Variants in ARHGEF3 observed in about 807,000 individuals in gnomAD.
The protein encoded by ARHGEF3 is Rho guanine nucleotide exchange factor 3.
A neutral mutation model predicts 63.2 loss-of-function variants in ARHGEF3; 28 were observed. The observed-to-expected ratio is 0.44, with a 90% CI of 0.33 to 0.61. ARHGEF3 has a LOEUF of 0.61. Ranked by LOEUF, ARHGEF3 falls within the 20% of genes least tolerant of loss-of-function variation. ARHGEF3 has a pLI of 0.03. For missense variants in ARHGEF3, 533 were observed against 659.3 expected (o/e 0.81, Z 2.10); for synonymous variants, 266 against 254.2 (o/e 1.05, Z -0.44).
chr3:56,980,184 G>A (rs1231428927), intron 2 of ARHGEF3, among the ~76,000 whole-genome samples: 1 of 152,230 alleles, frequency 6.6e-6, no homozygotes, highest in Non-Finnish European at 1.5e-5. Context: ...GCAGTAGCAA[G>A]AAGACTTGCT....
At chr3:57,071,521 G>A (rs1411062234) in intron 1 of ARHGEF3, among the ~76,000 whole-genome samples, 1 of 151,906 alleles carries the variant, frequency 6.6e-6, no homozygotes, top group African/African-American at 2.4e-5. Flanking sequence ...TCAGCTGGGT[G>A]TGATGATGCA....
chr3:56,790,715 T>C (rs2037036602), intron 1 of ARHGEF3, among the ~76,000 whole-genome samples: 1 of 152,198 alleles, frequency 6.6e-6, no homozygotes, highest in Non-Finnish European at 1.5e-5. Flanking sequence ...ACACTTGAAA[T>C]GGGAGCTTGC....
intron 2 of ARHGEF3, among the ~76,000 whole-genome samples, chr3:56,968,321 T>TA (rs1381454238): frequency 6.1e-4 from 31 of 51,224 alleles, no homozygotes; most frequent in Admixed American, 1.2e-3. Flanking sequence ...TAAAATATAT[T>TA]TTATATATAT....
At chr3:56,916,982 C>T (rs376467495) in intron 3 of ARHGEF3, among the ~76,000 whole-genome samples, 22 of 152,168 alleles carry the variant, frequency 1.4e-4, no homozygotes, top group African/African-American at 5.3e-4. Context: ...TGGAAACCTC[C>T]CTTTCAACTT....
chr3:57,066,335 C>A (rs1193599518), intron 1 of ARHGEF3, among the ~76,000 whole-genome samples: 1 of 151,834 alleles, frequency 6.6e-6, no homozygotes, highest in Non-Finnish European at 1.5e-5. Context: ...GATCTTGGCT[C>A]ACCGCAACCT....
intron 3 of ARHGEF3, among the ~76,000 whole-genome samples, chr3:56,903,175 G>A (rs898742823): frequency 2.6e-5 from 4 of 152,050 alleles, no homozygotes; most frequent in Non-Finnish European, 5.9e-5. Flanking sequence ...TATGCTCCAA[G>A]GTACAGAATG....
intron 2 of ARHGEF3, among the ~76,000 whole-genome samples, chr3:56,763,720 T>A (rs1438044390): frequency 6.6e-6 from 1 of 152,104 alleles, no homozygotes; most frequent in Non-Finnish European, 1.5e-5. Flanking sequence ...AAATTTTATT[T>A]ATTTTTAATT....
intron 2 of ARHGEF3, among the ~76,000 whole-genome samples, chr3:56,989,592 T>C (rs1444181093): frequency 6.6e-6 from 1 of 152,158 alleles, no homozygotes; most frequent in Non-Finnish European, 1.5e-5. Context: ...GATGGGTTGC[T>C]CTAGAATCAT....
At chr3:56,859,757 C>G (rs528050322) in intron 4 of ARHGEF3, among the ~76,000 whole-genome samples, 6 of 150,538 alleles carry the variant, frequency 4.0e-5, no homozygotes, top group Admixed American at 1.3e-4. Flanking sequence ...AGGCTGGTCT[C>G]GAACTCCTGA....
In ARHGEF3 at chr3:56,732,259, C is replaced by T; in HGVS notation, c.1207G>A (p.Ala403Thr). Reference protein sequence around the residue: ...EVRLGGSLRGAFSNNERIKNF... With the variant: ...EVRLGGSLRGTFSNNERIKNF... ...ATACTTCTCTCATTGTTGCTGAATG[C>T]CCCTCGCAGGGAGCCACCCAGCCTC... The change falls in exon 9 of 10, where the codon GCA becomes ACA. Residue 403 changes from alanine (A) to threonine (T), a missense_variant. Ala to Thr is a moderately conservative substitution (Grantham distance 58, BLOSUM62 0). Transcript: ENST00000296315. 6.2e-7 allele frequency: 1 copy of T among 1,614,118 alleles called. No homozygotes were observed.
chr3:57,041,965 C>G (rs1323715145), intron 1 of ARHGEF3, among the ~76,000 whole-genome samples: 1 of 152,188 alleles, frequency 6.6e-6, no homozygotes, highest in Non-Finnish European at 1.5e-5. Flanking sequence ...CCCCCGAGGG[C>G]TGATGTGGCC....
chr3:56,790,844 G>A lies in ARHGEF3; in HGVS notation c.96+10859C>T, dbSNP rs564853389. ...CTTGTTCCCTTTTTCTTTCTGTAGCGTCTTCCTCTAGGAAGACTCCACATT... is the reference window on the plus strand; with the variant it reads ...CTTGTTCCCTTTTTCTTTCTGTAGCATCTTCCTCTAGGAAGACTCCACATT... On this transcript the variant is annotated intron_variant, in intron 1 of 9. Coordinates refer to ENST00000296315, the MANE Select transcript of ARHGEF3 (RefSeq NM_019555.3). Among the ~76,000 whole-genome samples, 116 of 152,104 alleles carry A rather than the reference G, an allele frequency of 7.6e-4. 2 individuals carry two copies. The South Asian group carries it at 0.018, about 23-fold the overall frequency.
chr3:56,828,970 A>G (rs886380081), intron 4 of ARHGEF3, among the ~76,000 whole-genome samples: 1 of 152,172 alleles, frequency 6.6e-6, no homozygotes, highest in African/African-American at 2.4e-5. Context: ...TCTGTTGCTT[A>G]GGCTGGAGGG....
intron 2 of ARHGEF3, among the ~76,000 whole-genome samples, chr3:57,027,302 T>C (rs994585120): frequency 6.6e-6 from 1 of 152,180 alleles, no homozygotes; most frequent in Non-Finnish European, 1.5e-5. Flanking sequence ...CAGTTCCCCT[T>C]GTCACTGGCG....
rs115867930 is a variant in ARHGEF3 at position 56,779,142 on chromosome 3, C to T, written c.97-5326G>A. The stretch of plus-strand genomic sequence containing the variant: ...GCAGCTGGACATGCAGGGTCCTCCC[C>T]TGATAAACAGGGGAAACATTTGACT... On this transcript the variant is annotated intron_variant, in intron 1 of 9. Coordinates refer to ENST00000296315, the MANE Select transcript of ARHGEF3 (RefSeq NM_019555.3). Among the ~76,000 whole-genome samples the T allele has an allele frequency of 6.6e-3, 1,013 of 152,332 alleles. 14 individuals are homozygous for T. The highest frequency in any genetic ancestry group is 0.022 in the African/African-American group (935 of 41,574).
rs145429503 is a variant in ARHGEF3 at position 57,040,833 on chromosome 3, C to T, written c.-27-5657G>A. 9.9e-5 allele frequency among the ~76,000 whole-genome samples: 15 copies of T among 152,146 alleles called. No homozygotes were observed. In the South Asian group the frequency reaches 2.1e-3, roughly 21 times the overall value. On this transcript the variant is annotated intron_variant, in intron 1 of 12. Coordinates refer to the ARHGEF3 transcript ENST00000338458. ...TCAACACCCACACCACCCTGCCAACCGCTGCCCACCAGACTGACCTGGAAC... is the reference window on the plus strand; with the variant it reads ...TCAACACCCACACCACCCTGCCAACTGCTGCCCACCAGACTGACCTGGAAC...
intron 2 of ARHGEF3, among the ~76,000 whole-genome samples, chr3:56,967,563 A>G (rs796359670): frequency 1.1e-5 from 1 of 91,708 alleles, no homozygotes; most frequent in Non-Finnish European, 1.9e-5. Flanking sequence ...ATTATATAAT[A>G]TATAATATAT....
intron 2 of ARHGEF3, among the ~76,000 whole-genome samples, chr3:56,999,048 T>TTTG (rs3037589): frequency 3.3e-5 from 5 of 152,040 alleles, no homozygotes; most frequent in Non-Finnish European, 5.9e-5. Context: ...TCAAGAGGTT[T>TTTG]TTGTTGTTGT....
At chr3:56,910,484 T>C (rs2041826557) in intron 3 of ARHGEF3, among the ~76,000 whole-genome samples, 1 of 152,198 alleles carries the variant, frequency 6.6e-6, no homozygotes. Flanking sequence ...CCACTGGTGA[T>C]ATAATATAAT....
Sources: gnomAD v4.1 joint callset for allele counts (sites outside exome capture counted in the v4.1 genomes callset) on GRCh38, gnomAD v4.1.1 for gene constraint, MANE v1.5 for transcripts, NCBI Gene and HGNC (gene_info 2026-07-23, HGNC 2026-07-21) for gene names.